The following PES1 variants were observed in gnomAD, a reference collection of about 807,000 sequenced individuals.
PES1 encodes the protein pescadillo ribosomal biogenesis factor 1.
In PES1, 31 loss-of-function variants were observed where a neutral mutation model predicts 77.1. That is an observed-to-expected ratio of 0.40 (90% CI 0.30 to 0.54). PES1 has a LOEUF of 0.54. Among genes scored for constraint, PES1 ranks in the 20% least tolerant of loss-of-function variants. The pLI is 0.45. For missense variants in PES1, 658 were observed against 771.7 expected (o/e 0.85, Z 1.75); for synonymous variants, 282 against 303.0 (o/e 0.93, Z 0.72).
chr22:30,579,127 C>G lies in PES1; in HGVS notation c.1521+10G>C. 1 of 1,608,000 alleles carries G rather than the reference C, an allele frequency of 6.2e-7. No individual in the cohort carries two copies. Among genetic ancestry groups the G allele is most frequent in the African/African-American group, 1.3e-5 (1 of 75,034 alleles). ...TCCCAGGCCAAGCCCCGCATTGCAG[C>G]TCCCCCTACCTTCCCCTCCATCCTC... On this transcript the variant is annotated intron_variant, in intron 13 of 14. Coordinates refer to ENST00000354694, the MANE Select transcript of PES1 (RefSeq NM_014303.4).
intron 2 of PES1, among the ~76,000 whole-genome samples, chr22:30,597,547 A>G (rs1010035190): frequency 6.6e-6 from 1 of 151,074 alleles, no homozygotes; most frequent in Non-Finnish European, 1.5e-5. Context: ...TGAATACACC[A>G]ATCGACACTC....
At chr22:30,579,026 G>C (rs759290465) in intron 13 of PES1, 28 bp from the exon 14 acceptor site, 16 of 1,605,928 alleles carry the variant, frequency 1.0e-5, no homozygotes, top group Non-Finnish European at 1.7e-6. Context: ...GTGCTTATGG[G>C]GGCAGGTTCT....
At chr22:30,587,122 T>C in intron 4 of PES1, 164 bp downstream of exon 4, 1 of 608,368 alleles carries the variant, frequency 1.6e-6, no homozygotes, top group South Asian at 2.0e-5. Context: ...AACCTCGTAA[T>C]CATTATAGTA....
intron 2 of PES1, among the ~76,000 whole-genome samples, chr22:30,600,609 G>A (rs1244465144): frequency 6.6e-6 from 1 of 152,130 alleles, no homozygotes; most frequent in African/African-American, 2.4e-5. Flanking sequence ...GAGGTCAGGA[G>A]ATGGAGACCA....
intron 2 of PES1, among the ~76,000 whole-genome samples, chr22:30,597,091 G>A (rs999988446): frequency 2.0e-5 from 3 of 152,160 alleles, no homozygotes; most frequent in Non-Finnish European, 4.4e-5. Flanking sequence ...GACCTTAGCT[G>A]CCTCCCCGTG....
At chr22:30,582,629 T>G (rs1222220936) in intron 6 of PES1, among the ~76,000 whole-genome samples, 1 of 152,010 alleles carries the variant, frequency 6.6e-6, no homozygotes, top group African/African-American at 2.4e-5. Context: ...AACGTGAAAA[T>G]CAGTAGTGAT....
chr22:30,587,011 T>C (rs1602016075), intron 4 of PES1: 3 of 413,760 alleles, frequency 7.3e-6, no homozygotes, highest in East Asian at 4.8e-5. Context: ...TCTCCCACCA[T>C]GGGGCCTTTG....
chr22:30,606,793 C>CA, intron 1 of PES1: 1 of 982,518 alleles, frequency 1.0e-6, no homozygotes, highest in Non-Finnish European at 1.2e-6. Flanking sequence ...CAGCTGACTC[C>CA]AGCAATGCTG....
intron 2 of PES1, among the ~76,000 whole-genome samples, chr22:30,604,718 C>G (rs2087410882): frequency 6.6e-6 from 1 of 152,042 alleles, no homozygotes. Context: ...CCCTGTTATC[C>G]CAGTCTAGTG....
chr22:30,576,882 G>A lies in PES1; in HGVS notation c.*164C>T, dbSNP rs1452149723. On this transcript the variant is annotated 3_prime_UTR_variant, in exon 15 of 15. Transcript: ENST00000354694. ...CAGGGCAGCTCCATCCAAGGGAAGC[G>A]AGGGCTGCCCACTGGCCCAGCCAGA... 7.8e-6 allele frequency: 5 copies of A among 638,858 alleles called. No homozygotes were observed. The highest frequency in any genetic ancestry group is 5.3e-5 in the Admixed American group (2 of 37,496). 39.6% of individuals were successfully genotyped at this position (638,858 alleles called of 1,614,324 possible). A position where few individuals can be genotyped will look rare whatever the true frequency, so the allele number is the denominator to read the frequency against.
chr22:30,600,591 T>C (rs2087339953), intron 2 of PES1, among the ~76,000 whole-genome samples: 1 of 151,952 alleles, frequency 6.6e-6, no homozygotes, highest in African/African-American at 2.4e-5. Context: ...CCGAGGCCGG[T>C]GGATCACGAG....
At chr22:30,605,780 G>A (rs1285260305) in intron 1 of PES1, among the ~76,000 whole-genome samples, 1 of 152,176 alleles carries the variant, frequency 6.6e-6, no homozygotes, top group African/African-American at 2.4e-5. Context: ...AAGTAGTTCC[G>A]TAAACAGACA....
At chr22:30,601,069 G>A (rs1004990990) in intron 2 of PES1, among the ~76,000 whole-genome samples, 1 of 152,204 alleles carries the variant, frequency 6.6e-6, no homozygotes, top group Non-Finnish European at 1.5e-5. Context: ...AAGTGAGCAA[G>A]GTGGAAGTTG....
At chr22:30,602,311 C>T (rs1306926827) in intron 2 of PES1, among the ~76,000 whole-genome samples, 3 of 152,140 alleles carry the variant, frequency 2.0e-5, no homozygotes, top group Admixed American at 6.6e-5. Context: ...CTTGCTTCCC[C>T]TTTGCTTTCT....
chr22:30,587,014 G>C, intron 4 of PES1: 1 of 419,526 alleles, frequency 2.4e-6, no homozygotes, highest in Non-Finnish European at 4.3e-6. Context: ...CCCACCATGG[G>C]GCCTTTGCAC....
At chr22:30,580,218 G>A in intron 10 of PES1, 40 bp from the exon 11 acceptor site, 1 of 1,579,394 alleles carries the variant, frequency 6.3e-7, no homozygotes, top group Non-Finnish European at 8.6e-7. Context: ...ACACAGACAT[G>A]AGCTGCCTGT....
At chr22:30,592,384 T>G, upstream of PES1, 1 of 987,964 alleles carries the variant, frequency 1.0e-6, no homozygotes, top group Non-Finnish European at 1.2e-6. Context: ...CTTTGGTTCA[T>G]TCGCGGTTAT....
In PES1 at chr22:30,580,597, G is replaced by C. The variant is rs768059240; in HGVS notation, c.1017C>G (p.Pro339=). ...TGATGATGAAGGCCAGGGCCTCACG[G>C]GGCACCTCTCGGTTCAGGAAGAACT... is the stretch of plus-strand genomic sequence containing the variant. ...GLKFFLNREV[P]REALAFIIRS... is the part of the protein sequence containing the mutation. The change falls in exon 10 of 15, where the codon CCC becomes CCG. Residue 339 remains proline (P), a synonymous_variant. Transcript: ENST00000354694. 8.7e-6 allele frequency: 14 copies of C among 1,613,762 alleles called. No individual in the cohort carries two copies. The highest frequency in any genetic ancestry group is 9.3e-6 in the Non-Finnish European group (11 of 1,180,004).
rs190776618 is a variant in PES1 at position 30,599,368 on chromosome 22, A to G, written c.-661+6093T>C. ...GTTGGGGGTTTGGCATAAAGATTGT[A>G]AAACTATAAACCCAGCCGAAACCAA... On this transcript the variant is annotated intron_variant, in intron 2 of 16. Coordinates refer to the PES1 transcript ENST00000402281. Among the ~76,000 whole-genome samples, 648 of 152,292 alleles carry G rather than the reference A, an allele frequency of 4.3e-3. 4 individuals carry two copies. Among genetic ancestry groups the G allele is most frequent in the Non-Finnish European group, 7.0e-3 (473 of 68,026 alleles).
Sources: allele counts gnomAD v4.1 joint callset (sites outside exome capture counted in the v4.1 genomes callset), GRCh38; gene constraint gnomAD v4.1.1; transcripts MANE v1.5; gene names NCBI Gene and HGNC (gene_info 2026-07-23, HGNC 2026-07-21).